Variants in ITPR2 observed in about 807,000 individuals in gnomAD.
ITPR2 encodes inositol 1,4,5-trisphosphate receptor type 2.
Under a neutral mutation model 317.1 loss-of-function variants are expected in ITPR2, and 207 were observed. The observed-to-expected ratio is 0.65, with a 90% CI of 0.58 to 0.73. The LOEUF (loss-of-function observed/expected upper bound fraction) is 0.73, where lower values mean the gene tolerates loss of function less well. Among genes scored for constraint, ITPR2 ranks in the 30% least tolerant of loss-of-function variants. The pLI, the probability that ITPR2 is intolerant of heterozygous loss-of-function variation, is 0.00. For missense variants in ITPR2, 2,613 were observed against 3,284.0 expected (o/e 0.80, Z 4.99); for synonymous variants, 1,156 against 1,149.1 (o/e 1.01, Z -0.12).
intron 21 of ITPR2, among the ~76,000 whole-genome samples, chr12:26,647,105 C>A (rs1050839540): frequency 6.6e-6 from 1 of 152,206 alleles, no homozygotes; most frequent in Non-Finnish European, 1.5e-5. Flanking sequence ...CCAAAGTTCA[C>A]TGAACGATGT....
chr12:26,364,932 G>T (rs1415894626), intron 55 of ITPR2, among the ~76,000 whole-genome samples: 1 of 152,158 alleles, frequency 6.6e-6, no homozygotes. Flanking sequence ...TGTCCTGAGA[G>T]ACCATCTGAT....
At chr12:26,758,629 G>A (rs923928093) in intron 2 of ITPR2, among the ~76,000 whole-genome samples, 3 of 152,200 alleles carry the variant, frequency 2.0e-5, no homozygotes, top group Admixed American at 6.5e-5. Flanking sequence ...ACTGGAATGA[G>A]AAGCTCCAGG....
intron 37 of ITPR2, among the ~76,000 whole-genome samples, chr12:26,536,267 G>A (rs574761191): frequency 3.3e-5 from 5 of 152,284 alleles, no homozygotes; most frequent in Admixed American, 2.6e-4. Context: ...GGTGGTCACT[G>A]GTTATTCTGG....
rs2137267155 is a variant in ITPR2 at position 26,811,682 on chromosome 12, C to T, written c.92+21008G>A. Among the ~76,000 whole-genome samples, 4 of 110,168 alleles carry T rather than the reference C, an allele frequency of 3.6e-5. No individual in the cohort carries two copies. In the East Asian group the frequency reaches 1.0e-3, roughly 28 times the overall value. The allele number at this position is 110,168 out of a possible 152,430, so 72.3% of individuals were successfully genotyped here. On this transcript the variant is annotated intron_variant, in intron 1 of 56. Transcript: ENST00000381340. ...AGCCTGGGGGACAGCGAGACTCTGT[C>T]TCAAAAAAAAAAAAAAAAAAAATTA...
chr12:26,607,876 C>T (rs1437573552), intron 26 of ITPR2, among the ~76,000 whole-genome samples: 1 of 152,026 alleles, frequency 6.6e-6, no homozygotes, highest in African/African-American at 2.4e-5. Flanking sequence ...GTCAGGAGAT[C>T]GAGACCATCC....
At chr12:26,437,405 T>G (rs1941382134) in intron 47 of ITPR2, among the ~76,000 whole-genome samples, 4 of 152,238 alleles carry the variant, frequency 2.6e-5, no homozygotes, top group Admixed American at 2.6e-4. Flanking sequence ...GAAGGGAACA[T>G]TCCAATGCCG....
chr12:26,734,483 C>T (rs1333190242), intron 2 of ITPR2, among the ~76,000 whole-genome samples: 1 of 152,158 alleles, frequency 6.6e-6, no homozygotes, highest in Non-Finnish European at 1.5e-5. Flanking sequence ...GAGAAGTTCA[C>T]GGCTTCAAGC....
At chr12:26,699,148 A>G (rs973503623) in intron 9 of ITPR2, among the ~76,000 whole-genome samples, 17 of 152,194 alleles carry the variant, frequency 1.1e-4, no homozygotes, top group African/African-American at 3.1e-4. Flanking sequence ...TTGAAATTCA[A>G]TGCTGGAAAC....
intron 52 of ITPR2, among the ~76,000 whole-genome samples, chr12:26,408,393 C>T (rs1940427889): frequency 6.6e-6 from 1 of 152,206 alleles, no homozygotes; most frequent in Non-Finnish European, 1.5e-5. Context: ...ATCAAAATGT[C>T]ACAATAGTAA....
chr12:26,744,528 T>C (rs911729401), intron 2 of ITPR2, among the ~76,000 whole-genome samples: 21 of 152,234 alleles, frequency 1.4e-4, no homozygotes, highest in Non-Finnish European at 2.8e-4. Flanking sequence ...TTTCTCTACA[T>C]AGCATGTCAC....
intron 1 of ITPR2, among the ~76,000 whole-genome samples, chr12:26,829,770 G>C (rs1211243458): frequency 6.6e-6 from 1 of 152,188 alleles, no homozygotes; most frequent in Non-Finnish European, 1.5e-5. Context: ...TACCAGGAGG[G>C]AGGCATGGTC....
intron 37 of ITPR2, among the ~76,000 whole-genome samples, chr12:26,513,457 G>A (rs1423953192): frequency 1.3e-5 from 2 of 151,960 alleles, no homozygotes; most frequent in Admixed American, 6.6e-5. Context: ...AATAATATAG[G>A]CCAGTTTGGG....
intron 13 of ITPR2, among the ~76,000 whole-genome samples, chr12:26,671,799 C>A (rs922377232): frequency 3.3e-5 from 5 of 152,108 alleles, no homozygotes; most frequent in African/African-American, 1.2e-4. Flanking sequence ...TGTATTCAGG[C>A]AACCTATCTC....
At position 26,668,432 on chromosome 12, in the gene ITPR2, C is replaced by CAG. The variant is rs1353643828; in HGVS notation, c.1410-2383_1410-2382dup. Among the ~76,000 whole-genome samples, 3 of 152,278 alleles carry CAG rather than the reference C, an allele frequency of 2.0e-5. No individual in the cohort carries two copies. In the East Asian group the frequency reaches 5.8e-4, roughly 29 times the overall value. ...CTCCATGATTAAAGTCTCAAATTAC[C>CAG]AGAGAACATGGACTCTCAGCTCTCG... is the stretch of plus-strand genomic sequence containing the variant. On this transcript the variant is annotated intron_variant, in intron 13 of 56. Transcript: ENST00000381340.
rs774917016 is a variant in ITPR2 at position 26,487,085 on chromosome 12, G to C, written c.5537C>G (p.Ser1846Cys). The C allele has an allele frequency of 4.3e-6, 7 of 1,612,038 alleles. No individual in the cohort carries two copies. Among genetic ancestry groups the C allele is most frequent in the Non-Finnish European group, 3.4e-6 (4 of 1,179,174 alleles). ...KRDDDNELMT[S>C]GPRMRVRDST... Reference sequence around the variant, plus strand: ...TTCTTTACCTCTCATTCGTGGACCAGATGTCATCAATTCATTGTCATCGTC... The same window carrying C: ...TTCTTTACCTCTCATTCGTGGACCACATGTCATCAATTCATTGTCATCGTC... The change falls in exon 40 of 57, where the codon TCT (serine) becomes TGT (cysteine). Residue 1846 changes from serine (S) to cysteine (C), a missense_variant. Transcript: ENST00000381340.
intron 2 of ITPR2, among the ~76,000 whole-genome samples, chr12:26,774,281 C>T (rs1949920034): frequency 6.6e-6 from 1 of 152,026 alleles, no homozygotes; most frequent in African/African-American, 2.4e-5. Flanking sequence ...GTTACATGCT[C>T]GGTAGTGGTA....
intron 49 of ITPR2, among the ~76,000 whole-genome samples, chr12:26,420,025 A>G (rs1393357620): frequency 6.6e-6 from 1 of 152,208 alleles, no homozygotes; most frequent in African/African-American, 2.4e-5. Context: ...GACTATGTAC[A>G]GTATTTATAT....
chr12:26,668,742 G>A (rs1326038708), intron 13 of ITPR2, among the ~76,000 whole-genome samples: 2 of 151,698 alleles, frequency 1.3e-5, no homozygotes, highest in African/African-American at 4.8e-5. Flanking sequence ...GATAAACAAA[G>A]CAATATATTA....
chr12:26,550,159 T>A, intron 37 of ITPR2, 88 bp downstream of exon 37: 1 of 567,490 alleles, frequency 1.8e-6, no homozygotes, highest in South Asian at 2.5e-5. Context: ...ATGCAAGTAA[T>A]CACGTAATAG....
Sources: gnomAD v4.1 joint callset for allele counts (sites outside exome capture counted in the v4.1 genomes callset) on GRCh38, gnomAD v4.1.1 for gene constraint, MANE v1.5 for transcripts, NCBI Gene and HGNC (gene_info 2026-07-23, HGNC 2026-07-21) for gene names.